The following NPY4R2 variants were observed in gnomAD, a reference collection of about 807,000 sequenced individuals.
The protein encoded by NPY4R2 is neuropeptide Y receptor Y4-2.
For synonymous variants in NPY4R2, 6 were observed against 115.2 expected (o/e 0.05, Z 6.07); for missense variants, 7 against 268.8 (o/e 0.03, Z 6.81).
At chr10:47,914,972 G>A (rs1182266210), upstream of NPY4R2, among the ~76,000 whole-genome samples, 1 of 152,290 alleles carries the variant, frequency 6.6e-6, no homozygotes, top group Non-Finnish European at 1.5e-5. Flanking sequence ...AAATGTGTGA[G>A]GATCTTTGGT....
At chr10:47,918,425 G>GAAAGAAAGAA (rs1565913045), upstream of NPY4R2, among the ~76,000 whole-genome samples, 2 of 34,806 alleles carry the variant, frequency 5.7e-5, 1 homozygote, top group Non-Finnish European at 1.2e-4. Context: ...AAGAAAGAAA[G>GAAAGAAAGAA]AAAGAAAGAG....
upstream of NPY4R2, among the ~76,000 whole-genome samples, chr10:47,918,435 GA>G (rs1841698570): frequency 2.9e-5 from 1 of 35,076 alleles, no homozygotes; most frequent in Non-Finnish European, 5.9e-5. Context: ...GAAAGAAAGA[GA>G]GAGAGAAAGA....
upstream of NPY4R2, among the ~76,000 whole-genome samples, chr10:47,918,428 A>AGAAAG (rs1554991172): frequency 5.9e-3 from 204 of 34,656 alleles, 76 homozygotes; most frequent in Admixed American, 8.6e-3. Context: ...AAAGAAAGAA[A>AGAAAG]GAAAGAGAGA....
intron 1 of NPY4R2, among the ~76,000 whole-genome samples, chr10:47,920,213 T>G: frequency 1.1e-5 from 1 of 90,220 alleles, no homozygotes; most frequent in Non-Finnish European, 2.0e-5. Context: ...CACAGCTTGA[T>G]CTTTTAAATG....
upstream of NPY4R2, among the ~76,000 whole-genome samples, chr10:47,914,843 T>G (rs1450198493): frequency 6.8e-6 from 1 of 147,990 alleles, no homozygotes; most frequent in African/African-American, 2.5e-5. Context: ...ATTTAGGCAT[T>G]AAAGGAAGTT....
upstream of NPY4R2, among the ~76,000 whole-genome samples, chr10:47,916,132 ACAC>A: frequency 1.7e-5 from 1 of 58,944 alleles, no homozygotes. Context: ...CCAGCAGGTC[ACAC>A]CAGCCAGCCA....
chr10:47,918,387 A>AGAGAGAGAGAGAAAGAAAGAG (rs1841690922), upstream of NPY4R2, among the ~76,000 whole-genome samples: 1 of 13,292 alleles, frequency 7.5e-5, no homozygotes, highest in African/African-American at 7.2e-4. Flanking sequence ...GAGAGAGAGA[A>AGAGAGAGAGAGAAAGAAAGAG]AGAAAGAAAG....
intron 2 of NPY4R2, among the ~76,000 whole-genome samples, chr10:47,921,353 TG>T (rs1840901397): frequency 6.6e-6 from 1 of 151,132 alleles, no homozygotes; most frequent in African/African-American, 2.4e-5. Flanking sequence ...AGCTCTATCT[TG>T]AAGGGAATGG....
At chr10:47,920,546 G>A (rs1328841031) in intron 1 of NPY4R2, among the ~76,000 whole-genome samples, 192 bp from the exon 2 acceptor site, 1 of 121,668 alleles carries the variant, frequency 8.2e-6, no homozygotes, top group African/African-American at 3.2e-5. Context: ...ATTTTACTGA[G>A]CTCTGGTTGA....
chr10:47,918,356 G>GGA (rs139901640), upstream of NPY4R2, among the ~76,000 whole-genome samples: 15 of 17,742 alleles, frequency 8.5e-4, 4 homozygotes, highest in East Asian at 2.4e-3. Context: ...GGGGAGGGAG[G>GGA]GAGAGAGAGA....
chr10:47,916,540 G>A (rs4979659), upstream of NPY4R2, among the ~76,000 whole-genome samples: 17,540 of 126,576 alleles, frequency 0.14, 684 homozygotes, highest in Middle Eastern at 0.16. Flanking sequence ...AAGTTGGCTG[G>A]CTGAGACAAG....
upstream of NPY4R2, among the ~76,000 whole-genome samples, chr10:47,918,427 A>G (rs1203586186): frequency 2.9e-5 from 1 of 34,886 alleles, no homozygotes; most frequent in East Asian, 4.8e-4. Context: ...GAAAGAAAGA[A>G]AGAAAGAGAG....
At position 47,922,828 on chromosome 10, in the gene NPY4R2, CTGCA is replaced by C. The variant is rs1241221138; in HGVS notation, c.844_847del (p.His282CysfsTer23). On this transcript the variant is annotated frameshift_variant, in exon 3 of 3. Coordinates refer to ENST00000576178, the Ensembl canonical transcript of NPY4R2. LOFTEE classifies it high-confidence loss of function. ...GGCCTTTGCCGTGCTCTGGCTGCCT[CTGCA>C]TGTGTTCAACAGCCTGGAAGACTGG... 19 of 1,356,680 alleles carry C rather than the reference CTGCA, an allele frequency of 1.4e-5. No homozygotes were observed. The highest frequency in any genetic ancestry group is 4.0e-6 in the Non-Finnish European group (4 of 992,070). The allele number at this position is 1,356,680 out of a possible 1,614,324, so 84.0% of individuals were successfully genotyped here. A position where few individuals can be genotyped will look rare whatever the true frequency, so the allele number is the denominator to read the frequency against.
upstream of NPY4R2, among the ~76,000 whole-genome samples, chr10:47,918,387 A>AG (rs1841690922): frequency 1.5e-4 from 2 of 13,280 alleles, no homozygotes; most frequent in African/African-American, 1.4e-3. Flanking sequence ...GAGAGAGAGA[A>AG]AGAAAGAAAG....
upstream of NPY4R2, among the ~76,000 whole-genome samples, chr10:47,914,861 CTTAAAG>C (rs1841638838): frequency 6.6e-6 from 1 of 150,512 alleles, no homozygotes; most frequent in African/African-American, 2.4e-5. Context: ...GTTTTGGTCT[CTTAAAG>C]TTATTTTCTA....
chr10:47,922,651 CAGT>C, exon 3 of NPY4R2: 1 of 1,604,724 alleles, frequency 6.2e-7, no homozygotes, highest in Non-Finnish European at 8.5e-7. Flanking sequence ...GCTCCTCTTC[CAGT>C]ACTGCCTCCC....
intron 1 of NPY4R2, among the ~76,000 whole-genome samples, 168 bp from the exon 2 acceptor site, chr10:47,920,570 C>T (rs1416758630): frequency 8.0e-6 from 1 of 125,166 alleles, no homozygotes; most frequent in African/African-American, 3.1e-5. Flanking sequence ...TGGCCTTGTG[C>T]TCTGCAAAAA....
intron 1 of NPY4R2, among the ~76,000 whole-genome samples, chr10:47,920,237 C>CTTT (rs147157851): frequency 1.3e-4 from 9 of 67,702 alleles, no homozygotes; most frequent in African/African-American, 6.8e-4. Context: ...AAATGAGACT[C>CTTT]TTTTTTTTTT....
intron 1 of NPY4R2, among the ~76,000 whole-genome samples, chr10:47,920,271 C>T (rs1455939549): frequency 1.1e-5 from 1 of 91,228 alleles, no homozygotes; most frequent in Non-Finnish European, 2.1e-5. Flanking sequence ...GAGTCTCGCT[C>T]TGTTGCCCAG....
Sources: allele counts gnomAD v4.1 joint callset (sites outside exome capture counted in the v4.1 genomes callset), GRCh38; gene constraint gnomAD v4.1.1; transcripts MANE v1.5; gene names NCBI Gene and HGNC (gene_info 2026-07-23, HGNC 2026-07-21).